VXN: variants seen among roughly 807,000 people sequenced by gnomAD.
The protein encoded by VXN is uncharacterized protein C8orf46.
VXN carries 7 observed loss-of-function variants against 23.1 expected under a neutral mutation model. The ratio of observed to expected loss-of-function variants is 0.30; its 90% confidence interval spans 0.17 to 0.57. VXN has a LOEUF of 0.57. Among genes scored for constraint, VXN ranks in the 20% least tolerant of loss-of-function variants. The pLI is 0.91. For synonymous variants in VXN, 120 were observed against 105.8 expected, an observed-to-expected ratio of 1.13 and a Z score of -0.83; for missense variants, 238 against 272.6, an observed-to-expected ratio of 0.87 and a Z score of 0.89.
Position 66,516,171 on chromosome 8 carries a change from A to G in VXN, c.*95A>G. On this transcript the variant is annotated 3_prime_UTR_variant, in exon 6 of 6. Transcript: ENST00000305454. ...AAACTGAGCCACACGCACCTCTGCTAGTAGCTGGTCCAAACCCATTATCCT... is the reference window on the plus strand; with the variant it reads ...AAACTGAGCCACACGCACCTCTGCTGGTAGCTGGTCCAAACCCATTATCCT... 1 of 1,172,962 alleles carries G rather than the reference A, an allele frequency of 8.5e-7. No homozygotes were observed. Among genetic ancestry groups the G allele is most frequent in the Admixed American group, 2.7e-5 (1 of 37,064 alleles). 72.7% of individuals were successfully genotyped at this position (1,172,962 alleles called of 1,614,324 possible). A position where few individuals can be genotyped will look rare whatever the true frequency, so the allele number is the denominator to read the frequency against.
At chr8:66,505,245 C>A in intron 2 of VXN, 130 bp from the exon 3 acceptor site, 2 of 1,252,902 alleles carry the variant, frequency 1.6e-6, no homozygotes, top group Non-Finnish European at 2.3e-6. Context: ...TCCTAGAATT[C>A]ACTGGAATCA....
At chr8:66,498,731 G>A in intron 2 of VXN, 1 of 415,714 alleles carries the variant, frequency 2.4e-6, no homozygotes, top group East Asian at 7.1e-5. Context: ...GAGGGGATAT[G>A]CAGATTGGTG....
chr8:66,500,708 T>G (rs1434785982), intron 2 of VXN, among the ~76,000 whole-genome samples: 2 of 152,204 alleles, frequency 1.3e-5, no homozygotes, highest in African/African-American at 2.4e-5. Flanking sequence ...GAGTTCCCAG[T>G]GTCTATTAGT....
At chr8:66,494,191 C>G (rs911821251) in intron 1 of VXN, among the ~76,000 whole-genome samples, 1 of 152,202 alleles carries the variant, frequency 6.6e-6, no homozygotes, top group African/African-American at 2.4e-5. Context: ...CGTCAGAGAG[C>G]GCCCTGACCC....
chr8:66,493,863 G>A, intron 1 of VXN, 145 bp downstream of exon 1: 1 of 662,844 alleles, frequency 1.5e-6, no homozygotes, highest in East Asian at 2.8e-5. Flanking sequence ...TGATTTTTTG[G>A]AGGGGGGAAA....
At chr8:66,509,756 A>G (rs973251525) in intron 3 of VXN, among the ~76,000 whole-genome samples, 1 of 152,206 alleles carries the variant, frequency 6.6e-6, no homozygotes, top group African/African-American at 2.4e-5. Context: ...GGTATACAGC[A>G]AAATTGAGCT....
Position 66,505,452 on chromosome 8 carries a change from C to T in VXN, c.204C>T (p.Gly68=). The T allele has an allele frequency of 6.4e-7, 1 of 1,573,398 alleles. No individual in the cohort carries two copies. Among genetic ancestry groups the T allele is most frequent in the South Asian group, 1.2e-5 (1 of 86,068 alleles). The change falls in exon 3 of 6, where the codon GGC becomes GGT. Residue 68 remains glycine, a synonymous_variant. Coordinates refer to ENST00000305454, the MANE Select transcript of VXN (RefSeq NM_152765.4). ...ACCGCGGAGACCGCAGGGACCCTGG[C>T]GACCGCCGCAGGTTTGGGCGGCTCC... ...LPHRGDRRDP[G]DRRRFGRLQT...
intron 2 of VXN, among the ~76,000 whole-genome samples, chr8:66,503,055 C>T (rs1293592466): frequency 6.6e-6 from 1 of 152,020 alleles, no homozygotes; most frequent in African/African-American, 2.4e-5. Flanking sequence ...GCCATGTTGC[C>T]CAGGCTGGTC....
rs1393946998 is a variant in VXN, at chr8:66,516,492, G to C, written c.*416G>C. On this transcript the variant is annotated 3_prime_UTR_variant, in exon 6 of 6. Coordinates refer to ENST00000305454, the MANE Select transcript of VXN (RefSeq NM_152765.4). ...ACTTGTAAACACAATGGTTCTTACT[G>C]TTTCCATTACTGCATTTACTTCACC... 1 of 153,646 alleles carries C rather than the reference G, an allele frequency of 6.5e-6. No individual in the cohort carries two copies. Among genetic ancestry groups the C allele is most frequent in the Non-Finnish European group, 1.4e-5 (1 of 69,146 alleles). The allele number at this position is 153,646 out of a possible 1,614,324, so 9.5% of individuals were successfully genotyped here.
chr8:66,513,425 C>G (rs1259747656), intron 4 of VXN, 115 bp from the exon 5 acceptor site: 7 of 870,426 alleles, frequency 8.0e-6, no homozygotes, highest in Admixed American at 7.0e-5. Context: ...ATGATGAGGA[C>G]TATGCCCAGG....
chr8:66,502,127 A>G (rs1466848072), intron 2 of VXN, among the ~76,000 whole-genome samples: 4 of 152,180 alleles, frequency 2.6e-5, no homozygotes, highest in African/African-American at 9.6e-5. Context: ...TATTTCTTCC[A>G]AATTCAAGGC....
chr8:66,505,141 C>A, intron 2 of VXN: 1 of 671,178 alleles, frequency 1.5e-6, no homozygotes, highest in East Asian at 2.9e-5. Flanking sequence ...CGCTCCAGAA[C>A]CCTCATTTGC....
Position 66,513,621 on chromosome 8 carries a change from GC to G in VXN, c.425del (p.Ala142ValfsTer3). 6.2e-7 allele frequency: 1 copy of G among 1,614,140 alleles called. No homozygotes were observed. The highest frequency in any genetic ancestry group is 1.1e-5 in the South Asian group (1 of 91,080). ...GACAGCCATGGGCACAGAGAAGGGAGCTGTTCTGATGAGAGGGTAAGTGCTG... is the reference window on the plus strand; with the variant it reads ...GACAGCCATGGGCACAGAGAAGGGAGTGTTCTGATGAGAGGGTAAGTGCTG... ...EATAMGTEKG[A>X]VLMRGSRHLK... On this transcript the variant is annotated frameshift_variant, in exon 5 of 6. Coordinates refer to ENST00000305454, the MANE Select transcript of VXN (RefSeq NM_152765.4). LOFTEE classifies it high-confidence loss of function.
At position 66,497,791 on chromosome 8, in the gene VXN, T is replaced by C. The variant is rs1807642632; in HGVS notation, c.126+1299T>C. 2.0e-5 allele frequency among the ~76,000 whole-genome samples: 3 copies of C among 152,066 alleles called. No individual in the cohort carries two copies. In the South Asian group the frequency reaches 6.2e-4, roughly 32 times the overall value. On this transcript the variant is annotated intron_variant, in intron 2 of 5. Transcript: ENST00000305454. ...CCTATAATCCCAGCACTTTGGGAGG[T>C]TGAAGCAGAAGGTTAGCTAGAGCCC...
chr8:66,507,673 C>CA (rs951600944), intron 3 of VXN, among the ~76,000 whole-genome samples: 54 of 152,102 alleles, frequency 3.6e-4, no homozygotes, highest in African/African-American at 1.1e-3. Flanking sequence ...CAGCACGTGA[C>CA]AGTCAGCTCA....
intron 2 of VXN, among the ~76,000 whole-genome samples, chr8:66,497,400 C>T (rs530653876): frequency 1.3e-5 from 2 of 152,320 alleles, no homozygotes; most frequent in East Asian, 3.9e-4. Context: ...GAATTCTGAA[C>T]AATTTGGGGG....
chr8:66,513,534 T>C lies in VXN; in HGVS notation c.343-6T>C. Reference sequence around the variant, plus strand: ...CCTCACACTCCCTCCCGCTTCCTCATGACAGATACCGCCAGTGCCCCGGAT... The same window carrying C: ...CCTCACACTCCCTCCCGCTTCCTCACGACAGATACCGCCAGTGCCCCGGAT... On this transcript the variant is annotated splice_region_variant and splice_polypyrimidine_tract_variant and intron_variant, in intron 4 of 5. Coordinates refer to ENST00000305454, the MANE Select transcript of VXN (RefSeq NM_152765.4). The C allele has an allele frequency of 6.2e-7, 1 of 1,613,718 alleles. No individual in the cohort carries two copies. The highest frequency in any genetic ancestry group is 8.5e-7 in the Non-Finnish European group (1 of 1,179,648).
chr8:66,516,296 C>G lies in VXN; in HGVS notation c.*220C>G. The G allele has an allele frequency of 2.6e-6, 1 of 383,290 alleles. No homozygotes were observed. Among genetic ancestry groups the G allele is most frequent in the Non-Finnish European group, 4.6e-6 (1 of 218,002 alleles). 23.7% of individuals were successfully genotyped at this position (383,290 alleles called of 1,614,324 possible). ...TCTTAGAATTGCTAAAGCCATTGGT[C>G]TGAAAGTGACTTTGGGAGGTCATAA... On this transcript the variant is annotated 3_prime_UTR_variant, in exon 6 of 6. Coordinates refer to ENST00000305454, the MANE Select transcript of VXN (RefSeq NM_152765.4).
rs998127515 is a variant in VXN at position 66,509,341 on chromosome 8, A to G, written c.281-755A>G. ...CAACACTTGAATCCTTAGAAGCTTC[A>G]GAGTAAAAAGTACTCAGAATTAGGT... On this transcript the variant is annotated intron_variant, in intron 3 of 5. Transcript: ENST00000305454. Among the ~76,000 whole-genome samples the G allele has an allele frequency of 3.9e-5, 6 of 152,320 alleles. No individual in the cohort carries two copies. The South Asian group carries it at 8.3e-4, about 21-fold the overall frequency.
Sources: gnomAD v4.1 joint callset for allele counts (sites outside exome capture counted in the v4.1 genomes callset) on GRCh38, gnomAD v4.1.1 for gene constraint, MANE v1.5 for transcripts, NCBI Gene and HGNC (gene_info 2026-07-23, HGNC 2026-07-21) for gene names.